Variants in ITPR2 observed in about 807,000 individuals in gnomAD.
ITPR2 encodes the protein inositol 1,4,5-trisphosphate receptor type 2.
A neutral mutation model predicts 317.1 loss-of-function variants in ITPR2; 207 were observed. The ratio of observed to expected loss-of-function variants is 0.65; its 90% confidence interval spans 0.58 to 0.73. The LOEUF (loss-of-function observed/expected upper bound fraction) is 0.73, where lower values mean the gene tolerates loss of function less well. ITPR2 is among the 30% of genes least tolerant of loss of function. The pLI is 0.00. For synonymous variants in ITPR2, 1,156 were observed against 1,149.1 expected, an observed-to-expected ratio of 1.01 and a Z score of -0.12; for missense variants, 2,613 against 3,284.0, an observed-to-expected ratio of 0.80 and a Z score of 4.99.
intron 21 of ITPR2, among the ~76,000 whole-genome samples, chr12:26,641,836 G>T (rs769457298): frequency 6.6e-6 from 1 of 152,150 alleles, no homozygotes; most frequent in Admixed American, 6.5e-5. Context: ...GAAAAGCTGG[G>T]AGGTGGAATG....
At chr12:26,406,619 C>T (rs1940363274) in intron 52 of ITPR2, 1 of 151,860 alleles carries the variant, frequency 6.6e-6, no homozygotes, top group Non-Finnish European at 1.5e-5. Flanking sequence ...GTAACATGGA[C>T]CTGCTGTCCA....
intron 45 of ITPR2, among the ~76,000 whole-genome samples, chr12:26,463,120 T>C (rs559879630): frequency 6.6e-6 from 1 of 152,374 alleles, no homozygotes; most frequent in South Asian, 2.1e-4. Flanking sequence ...TATTGGCTTA[T>C]GTGTTTACTA....
chr12:26,823,678 A>G (rs1950970947), intron 1 of ITPR2, among the ~76,000 whole-genome samples: 1 of 152,198 alleles, frequency 6.6e-6, no homozygotes, highest in South Asian at 2.1e-4. Context: ...AGTTTTGTCT[A>G]AAGAACCTGA....
chr12:26,612,137 T>C (rs1946282420), intron 26 of ITPR2, among the ~76,000 whole-genome samples: 1 of 152,208 alleles, frequency 6.6e-6, no homozygotes, highest in Admixed American at 6.5e-5. Flanking sequence ...TTTGTTAGTG[T>C]TAGCAGACAG....
At chr12:26,822,185 C>T (rs1157598382) in intron 1 of ITPR2, among the ~76,000 whole-genome samples, 5 of 152,166 alleles carry the variant, frequency 3.3e-5, no homozygotes. Flanking sequence ...TAATAAAAGT[C>T]CAGCATTTTG....
chr12:26,401,197 C>A (rs1940168012), intron 52 of ITPR2, among the ~76,000 whole-genome samples: 1 of 151,790 alleles, frequency 6.6e-6, no homozygotes, highest in Non-Finnish European at 1.5e-5. Flanking sequence ...CCACTGCATT[C>A]CAGCCTGGGT....
At position 26,578,838 on chromosome 12, in the gene ITPR2, A is replaced by G. The variant is rs771169777; in HGVS notation, c.4510-5T>C. ...AATAAAAACTGGCTGATGTGTCTAA[A>G]ACCAGAAAGAAGGTAGGCAAAAAGA... On this transcript the variant is annotated splice_polypyrimidine_tract_variant and splice_region_variant and intron_variant, in intron 33 of 56. Transcript: ENST00000381340. The G allele has an allele frequency of 3.7e-6, 6 of 1,601,554 alleles. No homozygotes were observed. In the East Asian group the frequency reaches 1.3e-4, roughly 36 times the overall value.
chr12:26,540,070 G>T (rs1944216468), intron 37 of ITPR2, among the ~76,000 whole-genome samples: 1 of 152,158 alleles, frequency 6.6e-6, no homozygotes, highest in South Asian at 2.1e-4. Flanking sequence ...TTTGTGGAGG[G>T]TGGGCTGGAA....
At chr12:26,548,404 G>A (rs1439077577) in intron 37 of ITPR2, among the ~76,000 whole-genome samples, 2 of 151,814 alleles carry the variant, frequency 1.3e-5, no homozygotes, top group Non-Finnish European at 2.9e-5. Flanking sequence ...GAACACTGAC[G>A]CTGTGCAGAG....
chr12:26,633,627 C>T (rs998007212), intron 21 of ITPR2, among the ~76,000 whole-genome samples: 2 of 152,222 alleles, frequency 1.3e-5, no homozygotes, highest in Admixed American at 6.5e-5. Context: ...CAGAATGCTT[C>T]ATTGTCTGTG....
At chr12:26,784,128 A>G (rs930544387) in intron 2 of ITPR2, among the ~76,000 whole-genome samples, 9 of 152,226 alleles carry the variant, frequency 5.9e-5, no homozygotes, top group African/African-American at 1.9e-4. Context: ...AGTTTAAACT[A>G]ATGTCCCCAG....
intron 1 of ITPR2, among the ~76,000 whole-genome samples, chr12:26,817,772 C>T (rs746590184): frequency 4.0e-5 from 6 of 151,840 alleles, no homozygotes; most frequent in Non-Finnish European, 7.4e-5. Flanking sequence ...TCTTGATGCT[C>T]TATTATCCCT....
In ITPR2 at chr12:26,348,743, C is replaced by T. The variant is rs1441142733; in HGVS notation, c.7858-8415G>A. The stretch of plus-strand genomic sequence containing the variant: ...ATGGTGCATGCCTATAATCCCAGAA[C>T]TTTGGGAGCCAAGGTGGGAGGACTG... On this transcript the variant is annotated intron_variant, in intron 55 of 56. Coordinates refer to ENST00000381340, the MANE Select transcript of ITPR2 (RefSeq NM_002223.4). Among the ~76,000 whole-genome samples, 3 of 152,158 alleles carry T rather than the reference C, an allele frequency of 2.0e-5. No homozygotes were observed. The East Asian group carries it at 5.8e-4, about 29-fold the overall frequency.
At chr12:26,827,306 C>T (rs1951023346) in intron 1 of ITPR2, among the ~76,000 whole-genome samples, 1 of 151,254 alleles carries the variant, frequency 6.6e-6, no homozygotes, top group Admixed American at 6.6e-5. Flanking sequence ...AGAACAATAA[C>T]TGTAACTCGG....
At chr12:26,579,004 T>C (rs1015805480) in intron 33 of ITPR2, among the ~76,000 whole-genome samples, 171 bp from the exon 34 acceptor site, 3 of 152,226 alleles carry the variant, frequency 2.0e-5, no homozygotes, top group Non-Finnish European at 4.4e-5. Flanking sequence ...AGATACTCTC[T>C]TCATGAGAGG....
intron 13 of ITPR2, among the ~76,000 whole-genome samples, chr12:26,680,906 G>C (rs1386875731): frequency 6.6e-6 from 1 of 152,162 alleles, no homozygotes; most frequent in Non-Finnish European, 1.5e-5. Context: ...AGTGGAATTG[G>C]TGAGTCACGG....
chr12:26,414,261 A>G (rs183843945), intron 51 of ITPR2, among the ~76,000 whole-genome samples: 81 of 152,270 alleles, frequency 5.3e-4, no homozygotes, highest in Admixed American at 9.2e-4. Flanking sequence ...CACATATATG[A>G]TGTTTCCATT....
At chr12:26,778,334 C>G (rs1436799649) in intron 2 of ITPR2, among the ~76,000 whole-genome samples, 1 of 152,106 alleles carries the variant, frequency 6.6e-6, no homozygotes, top group African/African-American at 2.4e-5. Flanking sequence ...ACATCACATC[C>G]CCGTTCAACT....
intron 37 of ITPR2, among the ~76,000 whole-genome samples, chr12:26,515,929 G>GA (rs1319738262): frequency 6.7e-6 from 1 of 148,302 alleles, no homozygotes; most frequent in Non-Finnish European, 1.5e-5. Context: ...GAGCAACATG[G>GA]AAAAATTCCA....
Sources: gnomAD v4.1 joint callset for allele counts (sites outside exome capture counted in the v4.1 genomes callset) on GRCh38, gnomAD v4.1.1 for gene constraint, MANE v1.5 for transcripts, NCBI Gene and HGNC (gene_info 2026-07-23, HGNC 2026-07-21) for gene names.